The following XKR6 variants were observed in gnomAD, a reference collection of about 807,000 sequenced individuals.
The protein encoded by XKR6 is XK related 6, also known as XK-related protein 6.
A neutral mutation model predicts 56.7 loss-of-function variants in XKR6; 22 were observed. That is an observed-to-expected ratio of 0.39 (90% CI 0.28 to 0.55). XKR6 has a LOEUF of 0.55. Among genes scored for constraint, XKR6 ranks in the 20% least tolerant of loss-of-function variants. The pLI, the probability that XKR6 is intolerant of heterozygous loss-of-function variation, is 0.66. For synonymous variants in XKR6, 524 were observed against 387.8 expected, an observed-to-expected ratio of 1.35 and a Z score of -4.13; for missense variants, 852 against 889.0, an observed-to-expected ratio of 0.96 and a Z score of 0.53.
chr8:11,030,331 G>A (rs1038903969), intron 1 of XKR6, among the ~76,000 whole-genome samples: 7 of 152,204 alleles, frequency 4.6e-5, no homozygotes, highest in African/African-American at 1.7e-4. Context: ...AAACTGCACA[G>A]ATTGAGAATG....
At chr8:11,025,154 G>A (rs1454452547) in intron 1 of XKR6, among the ~76,000 whole-genome samples, 1 of 152,182 alleles carries the variant, frequency 6.6e-6, no homozygotes, top group Admixed American at 6.5e-5. Context: ...AAATGCTTGT[G>A]ACAGACTTCC....
chr8:10,912,117 G>T (rs73533580), intron 2 of XKR6, among the ~76,000 whole-genome samples: 2,790 of 149,370 alleles, frequency 0.019, 36 homozygotes, highest in African/African-American at 0.031. Context: ...TATATATATA[G>T]AGAGAGAGCG....
In XKR6 at chr8:10,898,848, C is replaced by G; in HGVS notation, c.1030G>C (p.Asp344His). The change falls in exon 3 of 3, where the codon GAC becomes CAC. Residue 344 changes from aspartate (D) to histidine (H), a missense_variant. Asp to His is a moderately conservative substitution (Grantham distance 81). Coordinates refer to ENST00000416569, the MANE Select transcript of XKR6 (RefSeq NM_173683.4). This position sits in a 1 kb window ranked among gnomAD's most constrained non-coding sequence, Gnocchi z 6.6. ...ATGCTCTTCTTGTCGTCCCTGGAGT[C>G]CCGCAGCAGCTTGTGATAGGAGGCT... ...VLASYHKLLR[D>H]SRDDKKSMSY... 1 of 1,614,100 alleles carries G rather than the reference C, an allele frequency of 6.2e-7. No homozygotes were observed. The highest frequency in any genetic ancestry group is 8.5e-7 in the Non-Finnish European group (1 of 1,180,014).
chr8:11,008,564 G>A (rs544890471), intron 1 of XKR6, among the ~76,000 whole-genome samples: 18 of 151,962 alleles, frequency 1.2e-4, no homozygotes, highest in Non-Finnish European at 2.5e-4. Context: ...GGGACCACAG[G>A]TGCATGCCAC....
At chr8:10,992,293 AC>A (rs1798011620) in intron 1 of XKR6, among the ~76,000 whole-genome samples, 3 of 152,180 alleles carry the variant, frequency 2.0e-5, no homozygotes, top group African/African-American at 7.2e-5. Context: ...TCTCTCACAC[AC>A]ACACACACAC....
chr8:10,973,168 T>A (rs1802457665), intron 1 of XKR6, among the ~76,000 whole-genome samples: 1 of 152,232 alleles, frequency 6.6e-6, no homozygotes, highest in Non-Finnish European at 1.5e-5. Flanking sequence ...TGATGAAACA[T>A]CTATTTTGAA....
intron 1 of XKR6, among the ~76,000 whole-genome samples, chr8:10,939,669 A>G (rs1445713077): frequency 6.6e-6 from 1 of 152,206 alleles, no homozygotes; most frequent in Non-Finnish European, 1.5e-5. Context: ...TGGTTCGTAA[A>G]GCTTCCCCTA....
At position 11,018,908 on chromosome 8, in the gene XKR6, C is replaced by T. The variant is rs1798686617; in HGVS notation, c.765-94078G>A. Among the ~76,000 whole-genome samples, 3 of 152,166 alleles carry T rather than the reference C, an allele frequency of 2.0e-5. No homozygotes were observed. The South Asian group carries it at 6.2e-4, about 32-fold the overall frequency. On this transcript the variant is annotated intron_variant, in intron 1 of 2. Transcript: ENST00000416569. ...ACCCTCAGCAGACCACTTCCTGCTTCCCAAAGGTGCTCTGTCTCTCCTGCC... is the reference window on the plus strand; with the variant it reads ...ACCCTCAGCAGACCACTTCCTGCTTTCCAAAGGTGCTCTGTCTCTCCTGCC...
intron 1 of XKR6, among the ~76,000 whole-genome samples, chr8:11,039,175 G>C (rs1326017413): frequency 6.6e-6 from 1 of 152,178 alleles, no homozygotes; most frequent in Non-Finnish European, 1.5e-5. Flanking sequence ...AGCTGCCCTA[G>C]AAATGCAAAG....
intron 1 of XKR6, among the ~76,000 whole-genome samples, chr8:11,068,825 C>G (rs770316284): frequency 4.3e-4 from 66 of 152,320 alleles, no homozygotes; most frequent in Non-Finnish European, 2.2e-4. Flanking sequence ...GGCCCTGCCC[C>G]CTCGGTGCCT....
intron 2 of XKR6, among the ~76,000 whole-genome samples, chr8:10,905,868 G>A (rs1800174498): frequency 6.6e-6 from 1 of 152,180 alleles, no homozygotes; most frequent in African/African-American, 2.4e-5. Context: ...GGATAAGGCA[G>A]CTGTGTCCAC....
intron 1 of XKR6, among the ~76,000 whole-genome samples, chr8:11,091,454 A>AATAG (rs1316682558): frequency 6.6e-6 from 1 of 151,774 alleles, no homozygotes. Context: ...TAAATAAATA[A>AATAG]ATAGATAGAT....
chr8:11,163,806 A>G (rs1016374914), intron 1 of XKR6, among the ~76,000 whole-genome samples: 2 of 152,236 alleles, frequency 1.3e-5, no homozygotes, highest in Admixed American at 6.5e-5. Flanking sequence ...TGGCAAAGAG[A>G]GTAGAGTAGC....
chr8:11,188,653 G>T (rs764477768), intron 1 of XKR6, among the ~76,000 whole-genome samples: 1 of 152,192 alleles, frequency 6.6e-6, no homozygotes, highest in African/African-American at 2.4e-5. Context: ...ACAGTGTAGG[G>T]TGATTTATTA....
Position 11,060,554 on chromosome 8 carries a change from G to A in XKR6, c.765-135724C>T, listed in dbSNP as rs7835600. 6.1e-3 allele frequency among the ~76,000 whole-genome samples: 935 copies of A among 152,316 alleles called. 9 individuals are homozygous for A. Among genetic ancestry groups the A allele is most frequent in the African/African-American group, 0.02 (829 of 41,568 alleles). On this transcript the variant is annotated intron_variant, in intron 1 of 2. Coordinates refer to ENST00000416569, the MANE Select transcript of XKR6 (RefSeq NM_173683.4). ...CTCGTTTCTACATGATTATTGGTCT[G>A]TTTGGGTTTTTCTCCTGCATACAAG...
At position 11,095,583 on chromosome 8, in the gene XKR6, G is replaced by A. The variant is rs1798242159; in HGVS notation, c.764+104993C>T. 2.6e-5 allele frequency among the ~76,000 whole-genome samples: 4 copies of A among 152,226 alleles called. No individual in the cohort carries two copies. In the South Asian group the frequency reaches 8.3e-4, roughly 32 times the overall value. On this transcript the variant is annotated intron_variant, in intron 1 of 2. Coordinates refer to ENST00000416569, the MANE Select transcript of XKR6 (RefSeq NM_173683.4). ...AGAATGACAGCCTGATTCTCCTAGT[G>A]AACAGATGTACTGACTGTGACAAAA...
At chr8:11,151,276 T>C (rs1425762874) in intron 1 of XKR6, among the ~76,000 whole-genome samples, 2 of 152,166 alleles carry the variant, frequency 1.3e-5, no homozygotes, top group Admixed American at 6.5e-5. Flanking sequence ...TTTTAAACCG[T>C]ATTTATTGAA....
At chr8:10,966,525 T>C (rs1421526221) in intron 1 of XKR6, among the ~76,000 whole-genome samples, 1 of 151,900 alleles carries the variant, frequency 6.6e-6, no homozygotes, top group African/African-American at 2.4e-5. Context: ...TACAAAAAAA[T>C]TAGCCTGGCG....
intron 1 of XKR6, among the ~76,000 whole-genome samples, chr8:11,056,130 G>A (rs1055846758): frequency 6.6e-6 from 1 of 152,180 alleles, no homozygotes; most frequent in East Asian, 1.9e-4. Context: ...TGCTGGGGCT[G>A]GGGAGCTTCC....
Sources: gnomAD v4.1 joint callset for allele counts (sites outside exome capture counted in the v4.1 genomes callset) on GRCh38, gnomAD v4.1.1 for gene constraint, Gnocchi (gnomAD v3.1) non-coding constraint, MANE v1.5 for transcripts, NCBI Gene and HGNC (gene_info 2026-07-23, HGNC 2026-07-21) for gene names.